Variants in TRABD2A observed in about 807,000 individuals in gnomAD.
The protein encoded by TRABD2A is metalloprotease TIKI1.
In TRABD2A, 43 loss-of-function variants were observed where a neutral mutation model predicts 45.6. That is an observed-to-expected ratio of 0.94 (90% CI 0.74 to 1.22). The LOEUF (loss-of-function observed/expected upper bound fraction) is 1.22, where lower values mean the gene tolerates loss of function less well. Ranked by LOEUF, TRABD2A falls within the 50% of genes most tolerant of loss-of-function variation. TRABD2A has a pLI of 0.00. For synonymous variants in TRABD2A, 269 were observed against 265.0 expected (o/e 1.02, Z -0.15); for missense variants, 642 against 652.4 (o/e 0.98, Z 0.17).
chr2:84,825,413 G>A (rs1681119012), intron 5 of TRABD2A, among the ~76,000 whole-genome samples: 1 of 152,096 alleles, frequency 6.6e-6, no homozygotes, highest in Admixed American at 6.5e-5. Context: ...GTTAAAAGAA[G>A]GGAATTCCTA....
chr2:84,850,111 C>A (rs1261738668), intron 2 of TRABD2A, among the ~76,000 whole-genome samples: 1 of 152,274 alleles, frequency 6.6e-6, no homozygotes, highest in Non-Finnish European at 1.5e-5. Context: ...CCAACGGGTT[C>A]TCTTGAACAA....
chr2:84,837,805 T>A, intron 4 of TRABD2A: 1 of 159,090 alleles, frequency 6.3e-6, no homozygotes, highest in East Asian at 1.8e-4. Context: ...AGGTGAGAGA[T>A]TAGGACCTTC....
At position 84,848,627 on chromosome 2, in the gene TRABD2A, G is replaced by A. The variant is rs143333809; in HGVS notation, c.670-6620C>T. On this transcript the variant is annotated intron_variant, in intron 2 of 6. Transcript: ENST00000409520. ...GTCTTGCTGTGTCACCTAGGCTGGAGTGCAATGGCATGGTCTCGGCTCACT... is the reference window on the plus strand; with the variant it reads ...GTCTTGCTGTGTCACCTAGGCTGGAATGCAATGGCATGGTCTCGGCTCACT... Among the ~76,000 whole-genome samples, 537 of 150,964 alleles carry A rather than the reference G, an allele frequency of 3.6e-3. 4 individuals are homozygous for A. The highest frequency in any genetic ancestry group is 0.012 in the African/African-American group (486 of 41,280).
chr2:84,837,343 T>TATCTTGGA (rs1331901530), intron 4 of TRABD2A: 1 of 152,244 alleles, frequency 6.6e-6, no homozygotes, highest in African/African-American at 2.4e-5. Flanking sequence ...AAAGTCATTT[T>TATCTTGGA]CTAGTAAGTC....
In TRABD2A at chr2:84,870,402, C is replaced by G. The variant is rs775465259; in HGVS notation, c.492G>C (p.Arg164Ser). Residue 164 changes from arginine (R) to serine (S), a missense_variant, in exon 2 of 7, where the codon AGG becomes AGC. Physicochemically the swap from Arg to Ser is moderately radical, Grantham distance 110. Transcript: ENST00000409520. ...NAIAGNWERK[R>S]PVWVMLMVNS... ...TGACCATGAGCATCACCCAGACAGGCCTCTTGCGCTCCCAGTTTCCGGCAA... is the reference window on the plus strand; with the variant it reads ...TGACCATGAGCATCACCCAGACAGGGCTCTTGCGCTCCCAGTTTCCGGCAA... 3.7e-6 allele frequency: 6 copies of G among 1,613,912 alleles called. No homozygotes were observed. Among genetic ancestry groups the G allele is most frequent in the Middle Eastern group, 1.6e-4 (1 of 6,084 alleles).
chr2:84,879,686 A>C (rs1683139365), intron 1 of TRABD2A: 1 of 827,224 alleles, frequency 1.2e-6, no homozygotes, highest in Admixed American at 6.2e-5. Flanking sequence ...TCTAACAAGC[A>C]TGAAGCGGCC....
In TRABD2A at chr2:84,842,056, G is replaced by A. The variant is rs1342614282; in HGVS notation, c.670-49C>T. The A allele has an allele frequency of 4.9e-6, 7 of 1,431,140 alleles. No homozygotes were observed. In the African/African-American group the frequency reaches 1.0e-4, roughly 21 times the overall value. 88.7% of individuals were successfully genotyped at this position (1,431,140 alleles called of 1,614,324 possible). ...TTCACTAACAAGGCAACTGTTTGCT[G>A]CCATCTTATTTCTTTTGTCCATGGC... On this transcript the variant is annotated intron_variant, in intron 2 of 6. Transcript: ENST00000409520.
At chr2:84,864,378 G>A (rs1288771998) in intron 2 of TRABD2A, among the ~76,000 whole-genome samples, 1 of 152,172 alleles carries the variant, frequency 6.6e-6, no homozygotes, top group Non-Finnish European at 1.5e-5. Context: ...CCAGCCCACT[G>A]CCACTGGATC....
chr2:84,856,823 G>C (rs957837037), intron 2 of TRABD2A, among the ~76,000 whole-genome samples: 1 of 152,056 alleles, frequency 6.6e-6, no homozygotes, highest in Non-Finnish European at 1.5e-5. Context: ...ATCTTCTCCC[G>C]TTACACACTA....
At chr2:84,832,710 G>C (rs1489063488) in intron 4 of TRABD2A, 1 of 152,800 alleles carries the variant, frequency 6.5e-6, no homozygotes, top group Non-Finnish European at 1.5e-5. Context: ...TGAGGCAGGA[G>C]AATCACTTGA....
At position 84,870,407 on chromosome 2, in the gene TRABD2A, T is replaced by C; in HGVS notation, c.487A>G (p.Lys163Glu). 2 of 1,613,986 alleles carry C rather than the reference T, an allele frequency of 1.2e-6. No individual in the cohort carries two copies. Among genetic ancestry groups the C allele is most frequent in the Non-Finnish European group, 1.7e-6 (2 of 1,179,892 alleles). Residue 163 changes from lysine (K) to glutamate (E), a missense_variant, in exon 2 of 7, where the codon AAG becomes GAG. Transcript: ENST00000409520. ...FNAIAGNWER[K>E]RPVWVMLMVN... is the part of the protein sequence containing the mutation. ...ATGAGCATCACCCAGACAGGCCTCT[T>C]GCGCTCCCAGTTTCCGGCAATAGCA...
intron 1 of TRABD2A, among the ~76,000 whole-genome samples, chr2:84,871,520 T>G (rs543406764): frequency 6.6e-6 from 1 of 151,968 alleles, no homozygotes; most frequent in Non-Finnish European, 1.5e-5. Flanking sequence ...CTCACTCTGT[T>G]GCCCAGGCTG....
intron 1 of TRABD2A, among the ~76,000 whole-genome samples, chr2:84,878,123 T>C (rs1259755057): frequency 6.6e-6 from 1 of 152,064 alleles, no homozygotes; most frequent in Non-Finnish European, 1.5e-5. Context: ...ACGAGAGTAA[T>C]CAGGAAGAAA....
At chr2:84,853,486 A>G (rs1027158837) in intron 2 of TRABD2A, among the ~76,000 whole-genome samples, 7 of 152,168 alleles carry the variant, frequency 4.6e-5, no homozygotes, top group Non-Finnish European at 1.0e-4. Context: ...AACAGCATGG[A>G]GGTAACCACC....
intron 3 of TRABD2A, among the ~76,000 whole-genome samples, chr2:84,840,639 G>T (rs1192625713): frequency 6.6e-6 from 1 of 152,020 alleles, no homozygotes; most frequent in Non-Finnish European, 1.5e-5. Flanking sequence ...CAAATCCTCC[G>T]CCCACATTAA....
chr2:84,857,536 T>C (rs1451644887), intron 2 of TRABD2A, among the ~76,000 whole-genome samples: 1 of 152,210 alleles, frequency 6.6e-6, no homozygotes, highest in African/African-American at 2.4e-5. Context: ...TCTGAATGAT[T>C]ATCAACTATA....
chr2:84,866,349 C>T (rs1313574670), intron 2 of TRABD2A, among the ~76,000 whole-genome samples: 1 of 152,144 alleles, frequency 6.6e-6, no homozygotes, highest in Non-Finnish European at 1.5e-5. Flanking sequence ...ATATTGTCAA[C>T]TTAGTCATTA....
At chr2:84,866,862 A>G (rs1176213332) in intron 2 of TRABD2A, among the ~76,000 whole-genome samples, 1 of 152,204 alleles carries the variant, frequency 6.6e-6, no homozygotes, top group African/African-American at 2.4e-5. Flanking sequence ...AGGCAGGAAG[A>G]TCGCTTGAGG....
intron 2 of TRABD2A, among the ~76,000 whole-genome samples, chr2:84,863,486 C>G (rs1682569645): frequency 6.6e-6 from 1 of 151,562 alleles, no homozygotes; most frequent in Admixed American, 6.6e-5. Context: ...CCCGCCTCGG[C>G]CTCCCAAAGT....
Sources: gnomAD v4.1 joint callset for allele counts (sites outside exome capture counted in the v4.1 genomes callset) on GRCh38, gnomAD v4.1.1 for gene constraint, MANE v1.5 for transcripts, NCBI Gene and HGNC (gene_info 2026-07-23, HGNC 2026-07-21) for gene names.